Variants in CRBN observed in about 807,000 individuals in gnomAD.
The protein encoded by CRBN is protein cereblon.
Under a neutral mutation model 62.2 loss-of-function variants are expected in CRBN, and 53 were observed. The ratio of observed to expected loss-of-function variants is 0.85; its 90% confidence interval spans 0.68 to 1.07. The LOEUF (loss-of-function observed/expected upper bound fraction) is 1.07. Among genes scored for constraint, CRBN ranks in the 50% least tolerant of loss-of-function variants. The pLI is 0.00. For missense variants in CRBN, 616 were observed against 531.1 expected (o/e 1.16, Z -1.57); for synonymous variants, 208 against 176.1 (o/e 1.18, Z -1.43).
intron 2 of CRBN, 31 bp downstream of exon 2, chr3:3,175,132 A>G (rs199884649): frequency 1.4e-4 from 182 of 1,312,104 alleles, no homozygotes; most frequent in Non-Finnish European, 1.9e-4. Flanking sequence ...ATGTATATCT[A>G]TTATATTAGA....
chr3:3,152,445 CATA>C lies in CRBN; in HGVS notation c.1148+8_1148+10del, dbSNP rs1166031319. 6.2e-7 allele frequency: 1 copy of C among 1,612,692 alleles called. No homozygotes were observed. The highest frequency in any genetic ancestry group is 8.5e-7 in the Non-Finnish European group (1 of 1,179,696). On this transcript the variant is annotated splice_region_variant and intron_variant, in intron 10 of 10. Transcript: ENST00000231948. ...AAAGAAAAAAAAAAGCAACCACCAC[CATA>C]ATATTACCCAGGAAACCAGCTGTGT...
chr3:3,176,460 G>C (rs141165808), intron 1 of CRBN, among the ~76,000 whole-genome samples: 1 of 152,312 alleles, frequency 6.6e-6, no homozygotes, highest in African/African-American at 2.4e-5. Flanking sequence ...TGAAGGCCAG[G>C]TGTGGTGGCT....
intron 4 of CRBN, chr3:3,172,127 T>A (rs1669322): frequency 0.66 from 101,221 of 152,222 alleles, 36,121 homozygotes; most frequent in Middle Eastern, 0.84. Context: ...CAAAATGAAT[T>A]ACTGCTGAAA....
At chr3:3,154,627 G>T in intron 7 of CRBN, 120 bp downstream of exon 7, 1 of 683,182 alleles carries the variant, frequency 1.5e-6, no homozygotes. Context: ...ATGCTTTTCA[G>T]AATTAAAATG....
At chr3:3,176,542 C>T (rs1206697974) in intron 1 of CRBN, among the ~76,000 whole-genome samples, 1 of 152,128 alleles carries the variant, frequency 6.6e-6, no homozygotes, top group Non-Finnish European at 1.5e-5. Context: ...TCAAGACCAG[C>T]CTGGCCAACA....
intron 3 of CRBN, among the ~76,000 whole-genome samples, chr3:3,173,199 A>G (rs1707696238): frequency 6.6e-6 from 1 of 152,076 alleles, no homozygotes; most frequent in South Asian, 2.1e-4. Context: ...CTGGGATTAC[A>G]GGCACATACC....
chr3:3,152,538 C>T lies in CRBN; in HGVS notation c.1066G>A (p.Val356Met). ...MAAYVNPHGY[V>M]HETLTVYKAC... ...TTATACACAGTAAGTGTCTCATGCA[C>T]ATATCCATGAGGATTCACATAAGCT... is the stretch of plus-strand genomic sequence containing the variant. Residue 356 changes from valine (V) to methionine (M), a missense_variant, in exon 10 of 11, where the codon GTG becomes ATG. Physicochemically the swap from Val to Met is conservative, Grantham distance 21. Transcript: ENST00000231948. The T allele has an allele frequency of 1.2e-6, 2 of 1,613,392 alleles. No homozygotes were observed. Among genetic ancestry groups the T allele is most frequent in the Non-Finnish European group, 1.7e-6 (2 of 1,179,392 alleles).
intron 9 of CRBN, chr3:3,153,163 A>G: frequency 2.3e-6 from 1 of 427,144 alleles, no homozygotes; most frequent in Non-Finnish European, 4.3e-6. Flanking sequence ...TAGATTGTCA[A>G]CAAGAATTAG....
Position 3,167,633 on chromosome 3 carries a change from C to G in CRBN, c.687+1G>C. ...AGATGCATAAAAAATTAGTTTCTCACCTTCTGGTATTTCTGCCACCATTTA... is the reference window on the plus strand; with the variant it reads ...AGATGCATAAAAAATTAGTTTCTCAGCTTCTGGTATTTCTGCCACCATTTA... On this transcript the variant is annotated splice_donor_variant, in intron 5 of 10. Coordinates refer to ENST00000231948, the MANE Select transcript of CRBN (RefSeq NM_016302.4). LOFTEE classifies it high-confidence loss of function. The G allele has an allele frequency of 6.2e-7, 1 of 1,612,360 alleles. No homozygotes were observed. Among genetic ancestry groups the G allele is most frequent in the Non-Finnish European group, 8.5e-7 (1 of 1,179,004 alleles).
chr3:3,154,049 G>C lies in CRBN; in HGVS notation c.862C>G (p.Leu288Val). Residue 288 changes from leucine (L) to valine (V), a missense_variant, in exon 8 of 11, where the codon CTT (leucine) becomes GTT (valine). By Grantham distance (32) the Leu-to-Val change is conservative (BLOSUM62 1). Coordinates refer to ENST00000231948, the MANE Select transcript of CRBN (RefSeq NM_016302.4). ...ATTCTCAATACATCATCAATAGGAA[G>C]ACAAGCAGCTACTCTGTAAGAAAAA... Reference protein sequence around the residue: ...IDFSYRVAACLPIDDVLRIQL... With the variant: ...IDFSYRVAACVPIDDVLRIQL... 1 of 1,612,852 alleles carries C rather than the reference G, an allele frequency of 6.2e-7. No homozygotes were observed.
intron 5 of CRBN, among the ~76,000 whole-genome samples, chr3:3,159,854 A>T (rs1707064584): frequency 6.6e-6 from 1 of 152,224 alleles, no homozygotes; most frequent in African/African-American, 2.4e-5. Context: ...CTGGCACAAT[A>T]GGAAAGGCTC....
chr3:3,179,478 T>C, intron 1 of CRBN, 143 bp downstream of exon 1: 1 of 734,314 alleles, frequency 1.4e-6, no homozygotes, highest in Non-Finnish European at 2.3e-6. Context: ...AGGGCCGACG[T>C]GAAGCAGCTT....
rs1706443099 is a variant in CRBN at position 3,150,470 on chromosome 3, C to T, written c.*395G>A. On this transcript the variant is annotated 3_prime_UTR_variant, in exon 11 of 11. Coordinates refer to ENST00000231948, the MANE Select transcript of CRBN (RefSeq NM_016302.4). Reference sequence around the variant, plus strand: ...ACTGGTACAGATACGCTGTCCCATACATCAGGATCAAATTATTAGTTTCAG... The same window carrying T: ...ACTGGTACAGATACGCTGTCCCATATATCAGGATCAAATTATTAGTTTCAG... 4.8e-6 allele frequency: 1 copy of T among 210,130 alleles called. No homozygotes were observed. Among genetic ancestry groups the T allele is most frequent in the Non-Finnish European group, 9.8e-6 (1 of 102,542 alleles). The allele number at this position is 210,130 out of a possible 1,614,324, so 13.0% of individuals were successfully genotyped here.
chr3:3,150,846 T>TG lies in CRBN; in HGVS notation c.*18_*19insC. 1 of 1,358,416 alleles carries TG rather than the reference T, an allele frequency of 7.4e-7. No individual in the cohort carries two copies. Among genetic ancestry groups the TG allele is most frequent in the Non-Finnish European group, 1.0e-6 (1 of 968,590 alleles). 84.1% of individuals were successfully genotyped at this position (1,358,416 alleles called of 1,614,324 possible). On this transcript the variant is annotated 3_prime_UTR_variant, in exon 11 of 11. Coordinates refer to ENST00000231948, the MANE Select transcript of CRBN (RefSeq NM_016302.4). ...AATATAACCAATTTGTTAGATAACT[T>TG]TATCTCTATCACATCTGTTTACAAG...
In CRBN at chr3:3,167,672, C is replaced by A. The variant is rs763812130; in HGVS notation, c.649G>T (p.Asp217Tyr). 6.2e-7 allele frequency: 1 copy of A among 1,613,194 alleles called. No homozygotes were observed. The highest frequency in any genetic ancestry group is 8.5e-7 in the Non-Finnish European group (1 of 1,179,558). ...TGCCACCATTTATATGAACATTGGT[C>A]TTCTCTTGAGACAGGTTTTGAAGGA... ...IFPSKPVSRE[D>Y]QCSYKWWQKY... The change falls in exon 5 of 11, where the codon GAC becomes TAC. Residue 217 changes from aspartate (D) to tyrosine (Y), a missense_variant. Physicochemically the swap from Asp to Tyr is radical, Grantham distance 160. Coordinates refer to ENST00000231948, the MANE Select transcript of CRBN (RefSeq NM_016302.4).
chr3:3,169,478 G>GGA (rs1707511740), intron 4 of CRBN, among the ~76,000 whole-genome samples: 1 of 118,902 alleles, frequency 8.4e-6, no homozygotes, highest in African/African-American at 2.8e-5. Flanking sequence ...ACTCTAATAG[G>GGA]AAAAAAACCG....
chr3:3,179,253 CTT>C (rs1365869321), intron 1 of CRBN, among the ~76,000 whole-genome samples: 1 of 152,202 alleles, frequency 6.6e-6, no homozygotes, highest in Non-Finnish European at 1.5e-5. Flanking sequence ...AGCTGTCACT[CTT>C]ATTAAAAGGA....
intron 10 of CRBN, among the ~76,000 whole-genome samples, chr3:3,151,627 A>T (rs1421096451): frequency 1.3e-5 from 2 of 152,204 alleles, no homozygotes; most frequent in Non-Finnish European, 2.9e-5. Context: ...ATACCATGCC[A>T]CATTTATTTA....
chr3:3,152,392 T>C (rs1575078748), intron 10 of CRBN, 64 bp downstream of exon 10: 6 of 1,527,528 alleles, frequency 3.9e-6, no homozygotes, highest in Non-Finnish European at 5.4e-6. Flanking sequence ...CTTAGGACTC[T>C]GGATTTTTCT....
Sources: gnomAD v4.1 joint callset for allele counts (sites outside exome capture counted in the v4.1 genomes callset) on GRCh38, gnomAD v4.1.1 for gene constraint, MANE v1.5 for transcripts, NCBI Gene and HGNC (gene_info 2026-07-23, HGNC 2026-07-21) for gene names.